The following CDH23 variants were observed in gnomAD, a reference collection of about 807,000 sequenced individuals.
The protein encoded by CDH23 is cadherin related 23, also known as cadherin-23.
Under a neutral mutation model 317.1 loss-of-function variants are expected in CDH23, and 189 were observed. That is an observed-to-expected ratio of 0.60 (90% confidence interval 0.53 to 0.67). The LOEUF is 0.67. CDH23 is among the 30% of genes least tolerant of loss of function. CDH23 has a pLI of 0.00. For synonymous variants in CDH23, 1,839 were observed against 1,876.8 expected (o/e 0.98, Z 0.52); for missense variants, 4,401 against 4,592.4 (o/e 0.96, Z 1.20).
chr10:71,773,385 A>G (rs1840732959), intron 38 of CDH23: 1 of 1,610,484 alleles, frequency 6.2e-7, no homozygotes, highest in Non-Finnish European at 8.5e-7. Context: ...AAGAGAGCGA[A>G]GAGCAGGGAT....
intron 38 of CDH23, 154 bp downstream of exon 38, chr10:71,742,075 A>C (rs760317511): frequency 6.2e-5 from 44 of 704,864 alleles, no homozygotes; most frequent in Non-Finnish European, 1.0e-4. Flanking sequence ...CATCTGCCCA[A>C]GATGGCCTCC....
At chr10:71,734,715 CG>C in intron 34 of CDH23, 57 bp downstream of exon 34, 1 of 1,198,344 alleles carries the variant, frequency 8.3e-7, no homozygotes. Flanking sequence ...CAGTGCTGGC[CG>C]GGCTCTGCCT....
intron 6 of CDH23, among the ~76,000 whole-genome samples, chr10:71,561,656 T>C (rs1193194197): frequency 6.6e-6 from 1 of 152,112 alleles, no homozygotes; most frequent in Non-Finnish European, 1.5e-5. Flanking sequence ...GGAGCTTAAA[T>C]GGGAACTGGA....
intron 19 of CDH23, among the ~76,000 whole-genome samples, chr10:71,689,478 G>T (rs1434106760): frequency 2.0e-5 from 3 of 152,118 alleles, no homozygotes; most frequent in Non-Finnish European, 4.4e-5. Context: ...CTCTTCAGGG[G>T]TATGTTATGG....
chr10:71,654,913 C>G (rs1863352099), intron 14 of CDH23, among the ~76,000 whole-genome samples: 1 of 152,162 alleles, frequency 6.6e-6, no homozygotes, highest in Non-Finnish European at 1.5e-5. Flanking sequence ...TTTAAGTCAC[C>G]AGGGCAAGTC....
At chr10:71,677,284 C>G (rs966947833) in intron 15 of CDH23, among the ~76,000 whole-genome samples, 172 bp from the exon 16 acceptor site, 1 of 152,128 alleles carries the variant, frequency 6.6e-6, no homozygotes, top group Admixed American at 6.6e-5. Context: ...CCACCCACCC[C>G]CTTTAGAAAT....
At chr10:71,485,389 G>A (rs1435390616) in intron 3 of CDH23, among the ~76,000 whole-genome samples, 1 of 152,180 alleles carries the variant, frequency 6.6e-6, no homozygotes, top group Non-Finnish European at 1.5e-5. Context: ...GTTGGCTCAG[G>A]GAATGAATGA....
intron 9 of CDH23, among the ~76,000 whole-genome samples, chr10:71,602,136 C>T (rs1414714704): frequency 1.3e-5 from 2 of 149,616 alleles, no homozygotes; most frequent in Non-Finnish European, 3.0e-5. Flanking sequence ...CAATTTGATT[C>T]ATAAATTACC....
intron 3 of CDH23, among the ~76,000 whole-genome samples, chr10:71,460,930 G>A (rs1850948911): frequency 6.6e-6 from 1 of 152,236 alleles, no homozygotes; most frequent in Non-Finnish European, 1.5e-5. Flanking sequence ...TCCCCGACGA[G>A]TAGCCCAGCC....
chr10:71,787,054 G>C (rs892492706), intron 44 of CDH23, among the ~76,000 whole-genome samples: 2 of 152,182 alleles, frequency 1.3e-5, no homozygotes, highest in Non-Finnish European at 1.5e-5. Context: ...GTTTGCGAGT[G>C]TGAAGTGAGG....
intron 1 of CDH23, among the ~76,000 whole-genome samples, chr10:71,405,409 A>G (rs1044879132): frequency 1.4e-5 from 2 of 146,722 alleles, no homozygotes; most frequent in Admixed American, 1.4e-4. Context: ...TTTGTCTTAG[A>G]GGGTGAGGCA....
chr10:71,453,583 T>C (rs1804267035), intron 3 of CDH23, among the ~76,000 whole-genome samples: 2 of 152,250 alleles, frequency 1.3e-5, no homozygotes, highest in Admixed American at 1.3e-4. Context: ...GTTTCAGCCC[T>C]GGTGCTCCAG....
intron 14 of CDH23, among the ~76,000 whole-genome samples, chr10:71,662,645 C>T (rs1407496085): frequency 2.0e-5 from 3 of 152,180 alleles, no homozygotes; most frequent in Non-Finnish European, 4.4e-5. Flanking sequence ...CGGTGTCTGT[C>T]CCCACATCTC....
At chr10:71,773,553 C>G in intron 38 of CDH23, 3 of 996,924 alleles carry the variant, frequency 3.0e-6, no homozygotes, top group Non-Finnish European at 4.2e-6. Context: ...CGGGCGGCCC[C>G]AGCGCCGTGC....
At chr10:71,753,441 G>A (rs1310141501) in intron 38 of CDH23, among the ~76,000 whole-genome samples, 1 of 152,192 alleles carries the variant, frequency 6.6e-6, no homozygotes, top group Non-Finnish European at 1.5e-5. Context: ...CTTACTGGGT[G>A]GGAGTGTTTA....
intron 3 of CDH23, among the ~76,000 whole-genome samples, chr10:71,464,380 A>G (rs1851146685): frequency 6.6e-6 from 1 of 152,208 alleles, no homozygotes; most frequent in African/African-American, 2.4e-5. Flanking sequence ...TCATAGAACT[A>G]GTTAACAGTG....
chr10:71,716,253 G>T, intron 28 of CDH23: 1 of 1,548,650 alleles, frequency 6.5e-7, no homozygotes, highest in Non-Finnish European at 8.7e-7. Context: ...GCCTCTGCAA[G>T]GGTCCCGGGA....
chr10:71,586,705 A>G (rs1290137079), intron 9 of CDH23, among the ~76,000 whole-genome samples: 1 of 152,128 alleles, frequency 6.6e-6, no homozygotes, highest in South Asian at 2.1e-4. Context: ...TGAATCCTGC[A>G]TTCTCTTATT....
At chr10:71,775,411 G>T (rs1187188644) in intron 38 of CDH23, among the ~76,000 whole-genome samples, 2 of 152,082 alleles carry the variant, frequency 1.3e-5, no homozygotes, top group African/African-American at 2.4e-5. Flanking sequence ...TCCCCAGGGG[G>T]ATAGAGCCTC....
Sources: allele counts gnomAD v4.1 joint callset (sites outside exome capture counted in the v4.1 genomes callset), GRCh38; gene constraint gnomAD v4.1.1; transcripts MANE v1.5; gene names NCBI Gene and HGNC (gene_info 2026-07-23, HGNC 2026-07-21).